Variants in DYNC2I1 observed in about 807,000 individuals in gnomAD.
DYNC2I1 encodes the protein dynein 2 intermediate chain 1, also known as cytoplasmic dynein 2 intermediate chain 1.
Under a neutral mutation model 133.4 loss-of-function variants are expected in DYNC2I1, and 89 were observed. The ratio of observed to expected loss-of-function variants is 0.67; its 90% confidence interval spans 0.56 to 0.80. DYNC2I1 has a LOEUF of 0.80. DYNC2I1 is among the 30% of genes least tolerant of loss of function. The pLI is 0.00. For synonymous variants in DYNC2I1, 504 were observed against 484.3 expected (o/e 1.04, Z -0.54); for missense variants, 1,291 against 1,314.5 (o/e 0.98, Z 0.28).
At chr7:158,867,532 G>A (rs1472034395) in intron 1 of DYNC2I1, among the ~76,000 whole-genome samples, 2 of 152,188 alleles carry the variant, frequency 1.3e-5, no homozygotes, top group Admixed American at 1.3e-4. Flanking sequence ...GTGGTGCAGT[G>A]TGACAGGAGG....
chr7:158,931,521 A>T (rs1850216040), intron 21 of DYNC2I1, among the ~76,000 whole-genome samples: 1 of 152,208 alleles, frequency 6.6e-6, no homozygotes, highest in Non-Finnish European at 1.5e-5. Flanking sequence ...CAGCCTCTAC[A>T]GTTCCCCCAC....
Position 158,913,695 on chromosome 7 carries a change from A to C in DYNC2I1, c.1703-538A>C, listed in dbSNP as rs561695428. Among the ~76,000 whole-genome samples the C allele has an allele frequency of 7.2e-4, 110 of 152,188 alleles. 2 individuals are homozygous for C. The highest frequency in any genetic ancestry group is 8.8e-5 in the Non-Finnish European group (6 of 68,022). On this transcript the variant is annotated intron_variant, in intron 13 of 24. Transcript: ENST00000407559. ...AAACTTAAGACTTACATGATAATTA[A>C]ATTGATGCCTTTGAAAAAAAATTTT...
chr7:158,940,191 T>C (rs1563206871), intron 23 of DYNC2I1, among the ~76,000 whole-genome samples: 2 of 152,178 alleles, frequency 1.3e-5, no homozygotes, highest in African/African-American at 2.4e-5. Flanking sequence ...AGACATTTTT[T>C]CCCAGAACTG....
chr7:158,927,145 G>A, intron 20 of DYNC2I1, 102 bp downstream of exon 20: 1 of 791,606 alleles, frequency 1.3e-6, no homozygotes, highest in Non-Finnish European at 2.0e-6. Flanking sequence ...CACCTGCTGG[G>A]AGCCTCAGCA....
upstream of DYNC2I1, among the ~76,000 whole-genome samples, chr7:158,855,774 G>T (rs1386160060): frequency 6.6e-6 from 1 of 152,140 alleles, no homozygotes; most frequent in East Asian, 1.9e-4. Context: ...TTTGGCTGAA[G>T]GAGTTCGGAG....
At chr7:158,908,924 C>T (rs1847108348) in intron 11 of DYNC2I1, among the ~76,000 whole-genome samples, 1 of 152,050 alleles carries the variant, frequency 6.6e-6, no homozygotes, top group South Asian at 2.1e-4. Flanking sequence ...GAATTCACAA[C>T]AGAAAAAAAT....
intron 23 of DYNC2I1, among the ~76,000 whole-genome samples, chr7:158,938,452 A>C (rs1257458992): frequency 2.0e-5 from 3 of 152,184 alleles, no homozygotes; most frequent in Non-Finnish European, 4.4e-5. Flanking sequence ...CCTCAGACCC[A>C]TCTTGCAAGA....
At chr7:158,881,909 T>C (rs78907385) in intron 5 of DYNC2I1, among the ~76,000 whole-genome samples, 9,504 of 152,304 alleles carry the variant, frequency 0.062, 389 homozygotes, top group African/African-American at 0.11. Flanking sequence ...TTGCCTTTTA[T>C]TGAACTTGGC....
chr7:158,889,171 C>T (rs1246873896), intron 7 of DYNC2I1, among the ~76,000 whole-genome samples: 1 of 151,444 alleles, frequency 6.6e-6, no homozygotes, highest in East Asian at 1.9e-4. Context: ...AGCTCTGCCT[C>T]CCGGGTTCAC....
chr7:158,923,664 T>A lies in DYNC2I1; in HGVS notation c.2188T>A (p.Ser730Thr). The change falls in exon 17 of 25, where the codon TCA becomes ACA. Residue 730 changes from serine to threonine, a missense_variant. Ser to Thr is a moderately conservative substitution (Grantham distance 58). Transcript: ENST00000407559. ...TGTCGTCTGGGATTTGAGAGAAGAC[T>A]CAAGGCTGCATTACTCTGTGACGCT... The part of the protein sequence containing the change: ...SVVVWDLRED[S>T]RLHYSVTLSD... 1 of 1,613,974 alleles carries A rather than the reference T, an allele frequency of 6.2e-7. No homozygotes were observed. The highest frequency in any genetic ancestry group is 8.5e-7 in the Non-Finnish European group (1 of 1,179,888).
the DYNC2I1 span, among the ~76,000 whole-genome samples, chr7:158,844,127 C>T: frequency 1.3e-5 from 2 of 152,226 alleles, no homozygotes; most frequent in African/African-American, 4.8e-5. Context: ...GGCAGTCTCT[C>T]TCCTCTCTCT....
At chr7:158,890,404 G>A (rs1003464573) in intron 7 of DYNC2I1, among the ~76,000 whole-genome samples, 2 of 150,782 alleles carry the variant, frequency 1.3e-5, no homozygotes, top group African/African-American at 4.9e-5. Flanking sequence ...AGCTTGTTTT[G>A]GCTCTGATTA....
rs140415348 is a variant in DYNC2I1, at chr7:158,869,719, C to A, written c.16-136C>A. 611 of 626,732 alleles carry A rather than the reference C, an allele frequency of 9.7e-4. 7 individuals are homozygous for A. The East Asian group carries it at 0.015, about 15-fold the overall frequency. 38.8% of individuals were successfully genotyped at this position (626,732 alleles called of 1,614,324 possible). ...TCTGTATTTCTGTTACCTTTTATTC[C>A]AGGAGGTAGAGAAGTATTTTCTGGC... On this transcript the variant is annotated intron_variant, in intron 1 of 24. Transcript: ENST00000407559.
rs1462865992 is a variant in DYNC2I1, at chr7:158,934,273, T to G, written c.2646+45T>G. On this transcript the variant is annotated intron_variant, in intron 22 of 24. Transcript: ENST00000407559. ...TAATCCTATTACTCATTCTCCTTGT[T>G]TTCCTGACTTACCTGATAAATATCT... 1.9e-6 allele frequency: 3 copies of G among 1,565,542 alleles called. No individual in the cohort carries two copies. In the East Asian group the frequency reaches 6.7e-5, roughly 35 times the overall value.
At chr7:158,840,779 C>T in the DYNC2I1 span, among the ~76,000 whole-genome samples, 6 of 152,120 alleles carry the variant, frequency 3.9e-5, no homozygotes, top group South Asian at 2.1e-4. Flanking sequence ...GTGGGCCTCT[C>T]GGCCTGTTGT....
chr7:158,855,096 G>A (rs1841147986), upstream of DYNC2I1, among the ~76,000 whole-genome samples: 1 of 152,272 alleles, frequency 6.6e-6, no homozygotes, highest in African/African-American at 2.4e-5. Context: ...AGCCTATCGA[G>A]ATGGGGGAAT....
intron 23 of DYNC2I1, among the ~76,000 whole-genome samples, chr7:158,938,673 T>C (rs1182199176): frequency 6.6e-6 from 1 of 152,090 alleles, no homozygotes; most frequent in East Asian, 1.9e-4. Flanking sequence ...GGAGAATCGC[T>C]TTAACATGGG....
At chr7:158,923,849 C>T in intron 17 of DYNC2I1, 116 bp downstream of exon 17, 3 of 1,365,942 alleles carry the variant, frequency 2.2e-6, no homozygotes, top group African/African-American at 1.5e-5. Context: ...AGGACGGGGT[C>T]TGACCCATGG....
At chr7:158,914,563 G>A (rs1338362474) in intron 14 of DYNC2I1, among the ~76,000 whole-genome samples, 1 of 152,162 alleles carries the variant, frequency 6.6e-6, no homozygotes, top group Non-Finnish European at 1.5e-5. Context: ...TTTGGATTGT[G>A]AATTTTATTA....
Sources: gnomAD v4.1 joint callset for allele counts (sites outside exome capture counted in the v4.1 genomes callset) on GRCh38, gnomAD v4.1.1 for gene constraint, MANE v1.5 for transcripts, NCBI Gene and HGNC (gene_info 2026-07-23, HGNC 2026-07-21) for gene names.